The following CDH18 variants were observed in gnomAD, a reference collection of about 807,000 sequenced individuals.
CDH18 encodes the protein cadherin 18, also known as cadherin-18.
In CDH18, 31 loss-of-function variants were observed where a neutral mutation model predicts 67.9. The observed-to-expected ratio is 0.46, with a 90% CI of 0.34 to 0.62. CDH18 has a LOEUF of 0.62. Ranked by LOEUF, CDH18 falls within the 20% of genes least tolerant of loss-of-function variation. The probability of loss-of-function intolerance (pLI) is 0.01; values close to 1 mark genes in which losing one functional copy is unlikely to be tolerated. For synonymous variants in CDH18, 362 were observed against 347.2 expected (o/e 1.04, Z -0.48); for missense variants, 890 against 975.5 (o/e 0.91, Z 1.17).
intron 1 of CDH18, among the ~76,000 whole-genome samples, chr5:20,371,231 C>A (rs1742975108): frequency 6.6e-6 from 1 of 152,056 alleles, no homozygotes; most frequent in South Asian, 2.1e-4. Flanking sequence ...TTACTAGGAT[C>A]TTCCTTGAGC....
intron 1 of CDH18, among the ~76,000 whole-genome samples, chr5:20,572,158 T>G (rs1758853182): frequency 6.6e-6 from 1 of 152,140 alleles, no homozygotes; most frequent in African/African-American, 2.4e-5. Context: ...AAATGCATTT[T>G]CTATGCCTGT....
chr5:20,429,977 C>A (rs1376544817), intron 1 of CDH18, among the ~76,000 whole-genome samples: 1 of 152,018 alleles, frequency 6.6e-6, no homozygotes. Flanking sequence ...AGGAAGCTTC[C>A]ACTTTTCATA....
At chr5:20,540,854 T>A (rs903458438) in intron 1 of CDH18, among the ~76,000 whole-genome samples, 1 of 152,218 alleles carries the variant, frequency 6.6e-6, no homozygotes, top group Non-Finnish European at 1.5e-5. Flanking sequence ...TGAAGACCTT[T>A]GTCAAATGCA....
chr5:19,760,933 A>G (rs1270621867), intron 3 of CDH18, among the ~76,000 whole-genome samples: 1 of 152,106 alleles, frequency 6.6e-6, no homozygotes, highest in African/African-American at 2.4e-5. Flanking sequence ...TGGGGAGTGG[A>G]TGTCGCCACT....
chr5:20,405,413 T>A (rs867570094), intron 1 of CDH18, among the ~76,000 whole-genome samples: 4 of 152,156 alleles, frequency 2.6e-5, no homozygotes, highest in South Asian at 2.1e-4. Flanking sequence ...GACCCCTTCC[T>A]TACACCTTAT....
intron 2 of CDH18, among the ~76,000 whole-genome samples, chr5:19,913,260 ACT>A (rs1791359117): frequency 6.6e-6 from 1 of 152,066 alleles, no homozygotes; most frequent in African/African-American, 2.4e-5. Flanking sequence ...TGCTCTTCAT[ACT>A]CTTTTTTCTC....
chr5:20,013,747 A>C (rs79786539), intron 2 of CDH18, among the ~76,000 whole-genome samples: 1,757 of 152,242 alleles, frequency 0.012, 42 homozygotes, highest in African/African-American at 0.04. Context: ...TTTTACATAC[A>C]AAATCTTAAG....
intron 5 of CDH18, among the ~76,000 whole-genome samples, chr5:19,629,424 A>C (rs1752077542): frequency 6.6e-6 from 1 of 152,182 alleles, no homozygotes; most frequent in Non-Finnish European, 1.5e-5. Flanking sequence ...AACTATGAAC[A>C]AAAAAGATGA....
At chr5:20,397,218 C>T (rs1745357901) in intron 1 of CDH18, among the ~76,000 whole-genome samples, 1 of 152,066 alleles carries the variant, frequency 6.6e-6, no homozygotes. Context: ...GCAACATCCG[C>T]CTCCTGGGTT....
chr5:20,030,204 T>C (rs1351044485), intron 2 of CDH18, among the ~76,000 whole-genome samples: 1 of 152,206 alleles, frequency 6.6e-6, no homozygotes, highest in Admixed American at 6.5e-5. Context: ...GCTGATTATG[T>C]AGTTAATAGC....
intron 1 of CDH18, among the ~76,000 whole-genome samples, chr5:20,542,027 C>T (rs1157831435): frequency 1.3e-5 from 2 of 152,064 alleles, no homozygotes; most frequent in Non-Finnish European, 2.9e-5. Flanking sequence ...CTCACTGCAA[C>T]CTCAGCCTCC....
intron 9 of CDH18, among the ~76,000 whole-genome samples, chr5:19,540,248 C>T (rs1309463358): frequency 6.6e-6 from 1 of 152,134 alleles, no homozygotes; most frequent in East Asian, 1.9e-4. Context: ...TGTCTCACGT[C>T]CAGGTCATGC....
At chr5:19,680,559 A>C (rs1285022968) in intron 5 of CDH18, among the ~76,000 whole-genome samples, 1 of 152,184 alleles carries the variant, frequency 6.6e-6, no homozygotes, top group South Asian at 2.1e-4. Flanking sequence ...TCCATAAATA[A>C]GTAAGAAGCA....
intron 7 of CDH18, among the ~76,000 whole-genome samples, chr5:19,586,962 T>C (rs755367047): frequency 2.2e-4 from 33 of 152,342 alleles, no homozygotes; most frequent in Non-Finnish European, 4.3e-4. Flanking sequence ...TGATCAGTGA[T>C]GTTGAGCTTT....
intron 2 of CDH18, among the ~76,000 whole-genome samples, chr5:19,925,571 C>T (rs1419510412): frequency 2.0e-5 from 3 of 151,988 alleles, no homozygotes; most frequent in Non-Finnish European, 2.9e-5. Flanking sequence ...TCACTGCAAC[C>T]TCTGCCTCCT....
At chr5:20,295,706 G>A (rs1247357373) in intron 1 of CDH18, among the ~76,000 whole-genome samples, 2 of 150,350 alleles carry the variant, frequency 1.3e-5, no homozygotes, top group Admixed American at 1.3e-4. Context: ...TAGCCTCGGC[G>A]ACAGGTCGAG....
intron 5 of CDH18, among the ~76,000 whole-genome samples, chr5:19,669,309 T>C (rs1201879042): frequency 6.7e-6 from 1 of 148,156 alleles, no homozygotes. Context: ...ATATATTTTT[T>C]GAGATGGAGT....
chr5:19,901,925 T>C (rs1357321134), intron 2 of CDH18, among the ~76,000 whole-genome samples: 1 of 152,028 alleles, frequency 6.6e-6, no homozygotes, highest in African/African-American at 2.4e-5. Context: ...GAAATAATAC[T>C]AAGTTCCTTT....
At chr5:19,682,843 T>A (rs1760533034) in intron 5 of CDH18, among the ~76,000 whole-genome samples, 1 of 152,094 alleles carries the variant, frequency 6.6e-6, no homozygotes, top group Non-Finnish European at 1.5e-5. Context: ...TTAAGCAGTA[T>A]CAGCTAACTA....
Sources: gnomAD v4.1 joint callset for allele counts (sites outside exome capture counted in the v4.1 genomes callset) on GRCh38, gnomAD v4.1.1 for gene constraint, MANE v1.5 for transcripts, NCBI Gene and HGNC (gene_info 2026-07-23, HGNC 2026-07-21) for gene names.